Variants in PTCHD4 observed in about 807,000 individuals in gnomAD.
The protein encoded by PTCHD4 is patched domain containing 4, also known as patched domain-containing protein 4.
A neutral mutation model predicts 58.1 loss-of-function variants in PTCHD4; 33 were observed. The ratio of observed to expected loss-of-function variants is 0.57; its 90% CI spans 0.43 to 0.76. The LOEUF is 0.76. PTCHD4 is among the 30% of genes least tolerant of loss of function. The pLI, the probability that PTCHD4 is intolerant of heterozygous loss-of-function variation, is 0.00. For synonymous variants in PTCHD4, 478 were observed against 409.6 expected, an observed-to-expected ratio of 1.17 and a Z score of -2.02; for missense variants, 1,058 against 1,027.1, an observed-to-expected ratio of 1.03 and a Z score of -0.41.
intron 3 of PTCHD4, among the ~76,000 whole-genome samples, chr6:48,058,341 T>G (rs1294561931): frequency 6.6e-6 from 1 of 152,220 alleles, no homozygotes; most frequent in Non-Finnish European, 1.5e-5. Flanking sequence ...GGACTACACT[T>G]TGAGAACTAC....
At chr6:48,018,031 A>G (rs1281755674) in intron 3 of PTCHD4, among the ~76,000 whole-genome samples, 2 of 152,256 alleles carry the variant, frequency 1.3e-5, no homozygotes, top group African/African-American at 4.8e-5. Context: ...AAGTATTTAG[A>G]ATAGTGCTCA....
At chr6:48,103,463 C>G (rs927703455) in intron 1 of PTCHD4, among the ~76,000 whole-genome samples, 3 of 152,234 alleles carry the variant, frequency 2.0e-5, no homozygotes, top group South Asian at 2.1e-4. Context: ...ACGTCACCAT[C>G]ATCAAAGACC....
Position 47,867,221 on chromosome 6 carries a change from C to T in PTCHD4, c.*11082G>A, listed in dbSNP as rs1333697896. Among the ~76,000 whole-genome samples, 5 of 151,858 alleles carry T rather than the reference C, an allele frequency of 3.3e-5. No individual in the cohort carries two copies. In the East Asian group the frequency reaches 7.8e-4, roughly 24 times the overall value. ...AGTTTGGGTTCCCAGCAATCCATGT[C>T]AGTCTCTTACTCTCACACTTTGAGG... On this transcript the variant is annotated 3_prime_UTR_variant, in exon 5 of 5. Transcript: ENST00000339488.
rs1339619889 is a variant in PTCHD4, at chr6:47,857,364, A to G, written c.*20939T>C. On this transcript the variant is annotated 3_prime_UTR_variant, in exon 5 of 5. Coordinates refer to ENST00000339488, the MANE Select transcript of PTCHD4 (RefSeq NM_001384253.1). ...TAGTTTCATGTAGGGCATAACTTCTATCCTGTGATAGTACATCATTAAAAA... is the reference window on the plus strand; with the variant it reads ...TAGTTTCATGTAGGGCATAACTTCTGTCCTGTGATAGTACATCATTAAAAA... Among the ~76,000 whole-genome samples, 3 of 152,198 alleles carry G rather than the reference A, an allele frequency of 2.0e-5. No individual in the cohort carries two copies. Among genetic ancestry groups the G allele is most frequent in the African/African-American group, 7.2e-5 (3 of 41,550 alleles).
At chr6:47,906,548 A>T (rs1396751079) in intron 4 of PTCHD4, among the ~76,000 whole-genome samples, 1 of 152,076 alleles carries the variant, frequency 6.6e-6, no homozygotes. Flanking sequence ...TGGAACCTAG[A>T]TCTTCTCATT....
chr6:47,932,224 A>G (rs1200294011), intron 4 of PTCHD4, among the ~76,000 whole-genome samples: 1 of 152,200 alleles, frequency 6.6e-6, no homozygotes, highest in Non-Finnish European at 1.5e-5. Context: ...TAAGTAATCT[A>G]TCCTCACTTG....
At chr6:47,986,015 G>T (rs111413518) in intron 4 of PTCHD4, among the ~76,000 whole-genome samples, 2,606 of 151,944 alleles carry the variant, frequency 0.017, 38 homozygotes, top group South Asian at 0.046. Flanking sequence ...ATATCATTAC[G>T]TATGAAATTT....
chr6:47,864,041 T>C lies in PTCHD4; in HGVS notation c.*14262A>G, dbSNP rs138676800. ...CTTCCCTGGACAGATTTAATCCAAC[T>C]ATTCTCAGAATGTCTGTTGCTGTTC... is the stretch of plus-strand genomic sequence containing the variant. On this transcript the variant is annotated 3_prime_UTR_variant, in exon 5 of 5. Transcript: ENST00000339488. Among the ~76,000 whole-genome samples, 147 of 152,104 alleles carry C rather than the reference T, an allele frequency of 9.7e-4. 2 individuals are homozygous for C. Among genetic ancestry groups the C allele is most frequent in the Middle Eastern group, 6.8e-3 (2 of 294 alleles).
chr6:47,951,685 T>C lies in PTCHD4; in HGVS notation c.898+56949A>G, dbSNP rs574806826. The stretch of plus-strand genomic sequence containing the variant: ...CCTTCCTCCTCTATACAAAGATCCC[T>C]TTTTACATCTCAGAAGAATATTTGA... On this transcript the variant is annotated intron_variant, in intron 4 of 4. Transcript: ENST00000339488. 1.5e-3 allele frequency among the ~76,000 whole-genome samples: 234 copies of C among 152,254 alleles called. 1 individual carries two copies. The highest frequency in any genetic ancestry group is 5.5e-3 in the African/African-American group (229 of 41,574).
At chr6:48,032,518 T>C (rs750885610) in intron 3 of PTCHD4, among the ~76,000 whole-genome samples, 22 of 152,182 alleles carry the variant, frequency 1.4e-4, no homozygotes, top group Non-Finnish European at 2.4e-4. Context: ...ACAGCAACAC[T>C]TTAAATAGAC....
chr6:47,996,539 G>A (rs1234068631), intron 4 of PTCHD4, among the ~76,000 whole-genome samples: 3 of 152,078 alleles, frequency 2.0e-5, no homozygotes, highest in Admixed American at 6.6e-5. Flanking sequence ...GGCTCAGTTG[G>A]AGAACAGCTA....
chr6:48,060,886 C>A (rs539784509), intron 3 of PTCHD4, among the ~76,000 whole-genome samples: 17 of 152,340 alleles, frequency 1.1e-4, no homozygotes, highest in African/African-American at 3.8e-4. Flanking sequence ...AATCCTGTAA[C>A]TAAACACAAT....
intron 1 of PTCHD4, among the ~76,000 whole-genome samples, chr6:48,106,110 C>G (rs534152848): frequency 1.3e-5 from 2 of 152,146 alleles, no homozygotes; most frequent in African/African-American, 4.8e-5. Context: ...ATGAGGCCAG[C>G]ATCATCCTGA....
intron 4 of PTCHD4, among the ~76,000 whole-genome samples, chr6:47,888,751 C>T (rs1764278448): frequency 1.4e-5 from 2 of 147,140 alleles, no homozygotes; most frequent in Non-Finnish European, 3.0e-5. Flanking sequence ...TGGTGCACTG[C>T]ACCCACTAAC....
Position 47,868,967 on chromosome 6 carries a change from A to G in PTCHD4, c.*9336T>C, listed in dbSNP as rs1485716816. On this transcript the variant is annotated 3_prime_UTR_variant, in exon 5 of 5. Transcript: ENST00000339488. Reference sequence around the variant, plus strand: ...TTTAAGAAAACATACGGCAAACTATATAAAATGAAATATTACTAAGACTTC... The same window carrying G: ...TTTAAGAAAACATACGGCAAACTATGTAAAATGAAATATTACTAAGACTTC... 6.6e-6 allele frequency among the ~76,000 whole-genome samples: 1 copy of G among 151,736 alleles called. No homozygotes were observed. Among genetic ancestry groups the G allele is most frequent in the Non-Finnish European group, 1.5e-5 (1 of 67,788 alleles).
At chr6:47,911,691 C>T (rs1437940102) in intron 4 of PTCHD4, among the ~76,000 whole-genome samples, 2 of 152,042 alleles carry the variant, frequency 1.3e-5, no homozygotes, top group African/African-American at 2.4e-5. Flanking sequence ...TTTTATTTTG[C>T]ACATGTTAAA....
intron 4 of PTCHD4, among the ~76,000 whole-genome samples, chr6:47,980,955 C>A (rs1188919553): frequency 6.6e-6 from 1 of 151,968 alleles, no homozygotes; most frequent in Admixed American, 6.6e-5. Flanking sequence ...ATCATGTTTA[C>A]TCCATTGGAG....
chr6:47,985,215 TA>T (rs1262369328), intron 4 of PTCHD4, among the ~76,000 whole-genome samples: 3 of 152,002 alleles, frequency 2.0e-5, no homozygotes, highest in African/African-American at 7.2e-5. Context: ...CATAGTTGAA[TA>T]AAAATCATCA....
At chr6:48,027,035 G>C (rs1389982844) in intron 3 of PTCHD4, among the ~76,000 whole-genome samples, 1 of 151,838 alleles carries the variant, frequency 6.6e-6, no homozygotes, top group Non-Finnish European at 1.5e-5. Flanking sequence ...CTGAGTCATG[G>C]CTAAAATTTT....
Sources: gnomAD v4.1 joint callset for allele counts (sites outside exome capture counted in the v4.1 genomes callset) on GRCh38, gnomAD v4.1.1 for gene constraint, MANE v1.5 for transcripts, NCBI Gene and HGNC (gene_info 2026-07-23, HGNC 2026-07-21) for gene names.